SLC16A4: variants seen among roughly 807,000 people sequenced by gnomAD.
The protein encoded by SLC16A4 is solute carrier family 16 member 4.
A neutral mutation model predicts 47.9 loss-of-function variants in SLC16A4; 39 were observed. That is an observed-to-expected ratio of 0.81 (90% CI 0.63 to 1.06). The LOEUF (loss-of-function observed/expected upper bound fraction) is 1.06, where lower values mean the gene tolerates loss of function less well. Ranked by LOEUF, SLC16A4 falls within the 50% of genes least tolerant of loss-of-function variation. The pLI is 0.00. For synonymous variants in SLC16A4, 189 were observed against 199.9 expected (o/e 0.95, Z 0.46); for missense variants, 524 against 573.8 (o/e 0.91, Z 0.89).
chr1:110,380,416 C>T (rs554814552), intron 5 of SLC16A4, among the ~76,000 whole-genome samples: 3 of 152,222 alleles, frequency 2.0e-5, no homozygotes, highest in African/African-American at 7.2e-5. Context: ...ATCCAAATGT[C>T]TTAGTTACAA....
At chr1:110,368,383 CA>C (rs1044691097) in intron 8 of SLC16A4, among the ~76,000 whole-genome samples, 2 of 152,166 alleles carry the variant, frequency 1.3e-5, no homozygotes, top group Non-Finnish European at 2.9e-5. Context: ...AATAAACTGG[CA>C]GCTGATGCAG....
rs1156272295 is a variant in SLC16A4, at chr1:110,390,982, T to C, written c.-150A>G. The C allele has an allele frequency of 6.6e-6, 1 of 152,226 alleles. No homozygotes were observed. Among genetic ancestry groups the C allele is most frequent in the African/African-American group, 2.4e-5 (1 of 41,464 alleles). The allele number at this position is 152,226 out of a possible 1,614,324, so 9.4% of individuals were successfully genotyped here. On this transcript the variant is annotated 5_prime_UTR_variant, in exon 1 of 9. The change abolishes an upstream ATG in the 5' untranslated region. Coordinates refer to ENST00000369779, the MANE Select transcript of SLC16A4 (RefSeq NM_004696.3). ...TTCTAAGGCATTTCATTTTGCTGCATTGTGAAAACAAGTGAGCATTGTAAG... is the reference window on the plus strand; with the variant it reads ...TTCTAAGGCATTTCATTTTGCTGCACTGTGAAAACAAGTGAGCATTGTAAG...
rs1661197622 is a variant in SLC16A4 at position 110,363,587 on chromosome 1, C to T, written c.*179G>A. Reference sequence around the variant, plus strand: ...ATTACAGTGAGCCGAGATTGCGCCACTGCACTCCAGCCTGGGCGAAAGAGC... The same window carrying T: ...ATTACAGTGAGCCGAGATTGCGCCATTGCACTCCAGCCTGGGCGAAAGAGC... On this transcript the variant is annotated 3_prime_UTR_variant, in exon 9 of 9. Transcript: ENST00000369779. The T allele has an allele frequency of 8.6e-6, 4 of 465,400 alleles. No individual in the cohort carries two copies. In the South Asian group the frequency reaches 9.3e-5, roughly 11 times the overall value. The allele number at this position is 465,400 out of a possible 1,614,324, so 28.8% of individuals were successfully genotyped here.
At chr1:110,388,095 C>T (rs1250058595) in intron 2 of SLC16A4, among the ~76,000 whole-genome samples, 2 of 151,932 alleles carry the variant, frequency 1.3e-5, no homozygotes, top group Admixed American at 6.6e-5. Flanking sequence ...GGGGAAGTGT[C>T]GGCAAGAAAA....
chr1:110,385,084 T>TTA (rs1279901861), intron 2 of SLC16A4, among the ~76,000 whole-genome samples: 2 of 152,190 alleles, frequency 1.3e-5, no homozygotes, highest in Non-Finnish European at 2.9e-5. Context: ...GGCCCGCCTG[T>TTA]TACAGTTCTG....
chr1:110,389,473 A>T (rs773645868), intron 1 of SLC16A4, 118 bp from the exon 2 acceptor site: 3 of 690,614 alleles, frequency 4.3e-6, no homozygotes, highest in Non-Finnish European at 4.9e-6. Flanking sequence ...TAGTTCAGCC[A>T]CTGTGCAACG....
At chr1:110,384,122 T>A (rs571135994) in intron 2 of SLC16A4, among the ~76,000 whole-genome samples, 1 of 152,160 alleles carries the variant, frequency 6.6e-6, no homozygotes, top group Non-Finnish European at 1.5e-5. Flanking sequence ...CCTGGCACTC[T>A]TTTACTGCCC....
intron 8 of SLC16A4, 91 bp downstream of exon 8, chr1:110,375,367 G>T (rs1191653551): frequency 3.9e-6 from 3 of 770,252 alleles, no homozygotes; most frequent in East Asian, 5.0e-5. Flanking sequence ...CTTTTAACCT[G>T]ATACCATCAT....
intron 2 of SLC16A4, among the ~76,000 whole-genome samples, chr1:110,388,275 C>G (rs1328661747): frequency 6.6e-6 from 1 of 152,184 alleles, no homozygotes; most frequent in Non-Finnish European, 1.5e-5. Context: ...ACCTCAACCC[C>G]TGGGAGGGTG....
In SLC16A4 at chr1:110,381,111, C is replaced by CAGAACTTGGTATA; in HGVS notation, c.396_397insTATACCAAGTTCT (p.Ala133TyrfsTer45). On this transcript the variant is annotated frameshift_variant, in exon 5 of 9. Transcript: ENST00000369779. LOFTEE classifies it high-confidence loss of function. ...TTGAAGTATTTGGTAGTTACCACAG[C>CAGAACTTGGTATA]AGCCACTTGGTATAAGAAAGCAGAA... 1 of 1,614,106 alleles carries CAGAACTTGGTATA rather than the reference C, an allele frequency of 6.2e-7. No individual in the cohort carries two copies. The highest frequency in any genetic ancestry group is 8.5e-7 in the Non-Finnish European group (1 of 1,180,004).
intron 2 of SLC16A4, among the ~76,000 whole-genome samples, chr1:110,385,452 C>T (rs2101069054): frequency 1.3e-5 from 2 of 152,324 alleles, no homozygotes; most frequent in South Asian, 4.1e-4. Flanking sequence ...GCTTCAGACT[C>T]CTAATTGTCT....
At chr1:110,374,131 C>G (rs551053758) in intron 8 of SLC16A4, among the ~76,000 whole-genome samples, 25 of 152,042 alleles carry the variant, frequency 1.6e-4, no homozygotes, top group African/African-American at 5.8e-4. Context: ...CCTCTGTCCC[C>G]CGGGTTCAAG....
intron 2 of SLC16A4, among the ~76,000 whole-genome samples, chr1:110,385,355 T>G (rs1374430734): frequency 1.3e-5 from 2 of 152,222 alleles, no homozygotes; most frequent in African/African-American, 4.8e-5. Flanking sequence ...CTGTGAAGAT[T>G]AATTGAGAAA....
chr1:110,383,594 A>C lies in SLC16A4; in HGVS notation c.88-628T>G, dbSNP rs540059058. Reference sequence around the variant, plus strand: ...TGATCCATCAAATGCAGGGCCTGCAAATTATCTCAAGCACTGATCTTAGGT... The same window carrying C: ...TGATCCATCAAATGCAGGGCCTGCACATTATCTCAAGCACTGATCTTAGGT... On this transcript the variant is annotated intron_variant, in intron 2 of 8. Coordinates refer to ENST00000369779, the MANE Select transcript of SLC16A4 (RefSeq NM_004696.3). 2.6e-5 allele frequency among the ~76,000 whole-genome samples: 4 copies of C among 152,206 alleles called. No homozygotes were observed. In the South Asian group the frequency reaches 8.3e-4, roughly 32 times the overall value.
intron 5 of SLC16A4, chr1:110,379,651 C>G (rs949038447): frequency 7.2e-6 from 2 of 279,566 alleles, no homozygotes; most frequent in Non-Finnish European, 6.7e-6. Flanking sequence ...GAGAGTGTTT[C>G]AAATGCTAAA....
At position 110,376,831 on chromosome 1, in the gene SLC16A4, G is replaced by A. The variant is rs1662031334; in HGVS notation, c.1242+119C>T. The A allele has an allele frequency of 4.8e-6, 4 of 831,766 alleles. No homozygotes were observed. The Admixed American group carries it at 1.1e-4, about 22-fold the overall frequency. The allele number at this position is 831,766 out of a possible 1,614,324, so 51.5% of individuals were successfully genotyped here. A position where few individuals can be genotyped will look rare whatever the true frequency, so the allele number is the denominator to read the frequency against. ...AGGATATAGCTGCAGAGTTTCTAAG[G>A]TCTTTGAAATGATTTTTTAAGTTAC... On this transcript the variant is annotated intron_variant, in intron 7 of 8. Coordinates refer to ENST00000369779, the MANE Select transcript of SLC16A4 (RefSeq NM_004696.3).
intron 2 of SLC16A4, among the ~76,000 whole-genome samples, chr1:110,388,391 C>T (rs1015905692): frequency 1.3e-5 from 2 of 152,164 alleles, no homozygotes; most frequent in Non-Finnish European, 2.9e-5. Context: ...CCTTTCCAAA[C>T]ACATCGGAAA....
At position 110,378,703 on chromosome 1, in the gene SLC16A4, G is replaced by A. The variant is rs1428807229; in HGVS notation, c.1030+150C>T. On this transcript the variant is annotated intron_variant, in intron 6 of 8. Transcript: ENST00000369779. The stretch of plus-strand genomic sequence containing the variant: ...AGATCTCTTCCTGGGAAATGCCCAG[G>A]TGCTCCATCTAGCCTCAAAAATTTT... The A allele has an allele frequency of 6.2e-6, 5 of 806,244 alleles. No homozygotes were observed. The East Asian group carries it at 8.1e-5, about 13-fold the overall frequency. 49.9% of individuals were successfully genotyped at this position (806,244 alleles called of 1,614,324 possible). A position where few individuals can be genotyped will look rare whatever the true frequency, so the allele number is the denominator to read the frequency against.
Position 110,378,872 on chromosome 1 carries a change from A to G in SLC16A4, c.1011T>C (p.Ser337=). The G allele has an allele frequency of 6.2e-7, 1 of 1,612,952 alleles. No homozygotes were observed. The highest frequency in any genetic ancestry group is 1.7e-5 in the Admixed American group (1 of 59,916). Residue 337 remains serine (S), a synonymous_variant, in exon 6 of 9, where the codon TCT becomes TCC. Transcript: ENST00000369779. ...TCTTACCTGCTACAGAAACAAGGTA[A>G]GAGGCATCCATGATGTCAATCCCCA... ...KTLGIDIMDA[S]YLVSVAGILE...
Sources: allele counts gnomAD v4.1 joint callset (sites outside exome capture counted in the v4.1 genomes callset), GRCh38; gene constraint gnomAD v4.1.1; transcripts MANE v1.5; gene names NCBI Gene and HGNC (gene_info 2026-07-23, HGNC 2026-07-21).